Variants in CLVS1 observed in about 807,000 individuals in gnomAD.
CLVS1 encodes the protein clavesin-1.
In CLVS1, 10 loss-of-function variants were observed where a neutral mutation model predicts 33.1. The ratio of observed to expected loss-of-function variants is 0.30; its 90% CI spans 0.19 to 0.51. The LOEUF is 0.51. Among genes scored for constraint, CLVS1 ranks in the 20% least tolerant of loss-of-function variants. The pLI is 0.97. For missense variants in CLVS1, 343 were observed against 433.4 expected (o/e 0.79, Z 1.85); for synonymous variants, 163 against 166.1 (o/e 0.98, Z 0.14).
At chr8:61,194,703 A>G (rs1273224423) in intron 2 of CLVS1, among the ~76,000 whole-genome samples, 1 of 151,854 alleles carries the variant, frequency 6.6e-6, no homozygotes, top group African/African-American at 2.4e-5. Flanking sequence ...ATATATATGT[A>G]TTTATGTATA....
intron 3 of CLVS1, among the ~76,000 whole-genome samples, chr8:61,387,977 T>C (rs529445916): frequency 6.6e-6 from 1 of 152,214 alleles, no homozygotes; most frequent in Non-Finnish European, 1.5e-5. Context: ...CTTCTTTTCC[T>C]GTGGGTAGAT....
intron 2 of CLVS1, among the ~76,000 whole-genome samples, chr8:61,138,158 T>A (rs1167770202): frequency 1.3e-5 from 2 of 152,090 alleles, no homozygotes; most frequent in Non-Finnish European, 2.9e-5. Context: ...AGTGTGCCCG[T>A]CAGGAAAGGA....
the CLVS1 span, among the ~76,000 whole-genome samples, chr8:61,036,459 G>A: frequency 1.6e-4 from 24 of 152,308 alleles, no homozygotes; most frequent in African/African-American, 5.3e-4. Context: ...GAGGAAGATC[G>A]GAGGCCCACC....
the CLVS1 span, among the ~76,000 whole-genome samples, chr8:61,016,401 T>A: frequency 6.6e-6 from 1 of 152,230 alleles, no homozygotes; most frequent in Non-Finnish European, 1.5e-5. Context: ...TTAAGAGGTT[T>A]ATCTTGGGTG....
the CLVS1 span, among the ~76,000 whole-genome samples, chr8:61,023,050 G>T: frequency 6.6e-6 from 1 of 152,210 alleles, no homozygotes; most frequent in African/African-American, 2.4e-5. Flanking sequence ...GAATTTGTCA[G>T]TTTGGAAGCT....
chr8:61,227,050 G>A (rs1356324273), intron 2 of CLVS1, among the ~76,000 whole-genome samples: 2 of 143,976 alleles, frequency 1.4e-5, no homozygotes, highest in Non-Finnish European at 1.5e-5. Context: ...ACATTATATC[G>A]AGGGCTGATT....
In CLVS1 at chr8:61,230,378, C is replaced by T. The variant is rs543029140; in HGVS notation, c.-151-69299C>T. 1.4e-4 allele frequency among the ~76,000 whole-genome samples: 21 copies of T among 152,164 alleles called. No individual in the cohort carries two copies. The South Asian group carries it at 3.5e-3, about 26-fold the overall frequency. The stretch of plus-strand genomic sequence containing the variant: ...ATTCTTGGCTGTGAGATACTGGGCC[C>T]GTGACTAACCTCTCTGAGCTTCAGT... On this transcript the variant is annotated intron_variant, in intron 2 of 2. Coordinates refer to the CLVS1 transcript ENST00000522621.
chr8:61,016,719 A>G, the CLVS1 span, among the ~76,000 whole-genome samples: 1 of 152,220 alleles, frequency 6.6e-6, no homozygotes, highest in Admixed American at 6.5e-5. Context: ...TGTGCATGCA[A>G]GTGGTGAGAA....
rs1291836221 is a variant in CLVS1 at position 61,063,273 on chromosome 8, GAGAGAGAGAGAGAGAGAGAGAT to G, written c.-243+6059_-243+6080del. ...AAAGTGAGGAAGCGAGAGAGAGAGAGAGAGAGAGAGAGAGAGAGAGATAGAGAGAGAGAGAGAACAGTCATTT... is the reference window on the plus strand; with the variant it reads ...AAAGTGAGGAAGCGAGAGAGAGAGAGAGAGAGAGAGAGAGAACAGTCATTT... On this transcript the variant is annotated intron_variant, in intron 1 of 2. Coordinates refer to the CLVS1 transcript ENST00000522621. 2.0e-3 allele frequency among the ~76,000 whole-genome samples: 262 copies of G among 133,070 alleles called. 3 individuals carry two copies. The highest frequency in any genetic ancestry group is 8.8e-3 in the African/African-American group (240 of 27,426). The allele number at this position is 133,070 out of a possible 152,430, so 87.3% of individuals were successfully genotyped here.
chr8:61,255,680 T>C (rs1027367258), intron 2 of CLVS1, among the ~76,000 whole-genome samples: 2 of 152,106 alleles, frequency 1.3e-5, no homozygotes, highest in Non-Finnish European at 2.9e-5. Context: ...AGCAACACAA[T>C]AGAGGAGGAA....
chr8:61,363,552 G>T (rs1036682), intron 2 of CLVS1, among the ~76,000 whole-genome samples: 2,689 of 152,282 alleles, frequency 0.018, 31 homozygotes, highest in Non-Finnish European at 0.028. Flanking sequence ...TCCCAGTGAG[G>T]CATCAGAGCT....
At chr8:61,019,982 A>G in the CLVS1 span, among the ~76,000 whole-genome samples, 1 of 152,326 alleles carries the variant, frequency 6.6e-6, no homozygotes, top group South Asian at 2.1e-4. Flanking sequence ...TAGCTGTATT[A>G]TAAACATGGT....
chr8:61,013,753 G>C, the CLVS1 span, among the ~76,000 whole-genome samples: 1 of 152,186 alleles, frequency 6.6e-6, no homozygotes, highest in East Asian at 1.9e-4. Flanking sequence ...TCCTCCATGG[G>C]GATTTCACAG....
intron 3 of CLVS1, among the ~76,000 whole-genome samples, chr8:61,411,992 C>T (rs1815246683): frequency 6.6e-6 from 1 of 152,138 alleles, no homozygotes. Flanking sequence ...GAAAAAGGCC[C>T]AAGGGGCAGG....
intron 2 of CLVS1, among the ~76,000 whole-genome samples, chr8:61,363,061 A>C (rs1813051555): frequency 6.6e-6 from 1 of 152,186 alleles, no homozygotes; most frequent in South Asian, 2.1e-4. Context: ...AGCAGGAGGT[A>C]AAATTTCAGA....
intron 5 of CLVS1, among the ~76,000 whole-genome samples, chr8:61,476,572 G>C (rs372678450): frequency 6.6e-6 from 1 of 152,152 alleles, no homozygotes; most frequent in Non-Finnish European, 1.5e-5. Context: ...GTGAATGGGA[G>C]TTCACTCATG....
At chr8:60,984,216 A>G in the CLVS1 span, among the ~76,000 whole-genome samples, 1 of 152,008 alleles carries the variant, frequency 6.6e-6, no homozygotes, top group East Asian at 1.9e-4. Context: ...TTCTTGTCCC[A>G]GTATTTGCTA....
intron 3 of CLVS1, among the ~76,000 whole-genome samples, chr8:61,394,283 G>A (rs1030368666): frequency 6.6e-6 from 1 of 152,182 alleles, no homozygotes; most frequent in Non-Finnish European, 1.5e-5. Context: ...CCAGGAGGTG[G>A]CACTTTCAAG....
intron 2 of CLVS1, among the ~76,000 whole-genome samples, chr8:61,171,576 G>A (rs746358629): frequency 4.6e-5 from 7 of 152,120 alleles, no homozygotes; most frequent in East Asian, 1.9e-4. Context: ...ATATGGCTTC[G>A]CTGACAGTAG....
Sources: gnomAD v4.1 joint callset for allele counts (sites outside exome capture counted in the v4.1 genomes callset) on GRCh38, gnomAD v4.1.1 for gene constraint, MANE v1.5 for transcripts, NCBI Gene and HGNC (gene_info 2026-07-23, HGNC 2026-07-21) for gene names.